The following EIPR1 variants were observed in gnomAD, a reference collection of about 807,000 sequenced individuals.
The protein encoded by EIPR1 is EARP complex and GARP complex interacting protein 1.
Under a neutral mutation model 48.1 loss-of-function variants are expected in EIPR1, and 25 were observed. The ratio of observed to expected loss-of-function variants is 0.52; its 90% CI spans 0.38 to 0.73. The LOEUF (loss-of-function observed/expected upper bound fraction) is 0.73, where lower values mean the gene tolerates loss of function less well. Among genes scored for constraint, EIPR1 ranks in the 30% least tolerant of loss-of-function variants. The pLI is 0.00. For missense variants in EIPR1, 415 were observed against 506.2 expected (o/e 0.82, Z 1.73); for synonymous variants, 204 against 201.9 (o/e 1.01, Z -0.09).
intron 3 of EIPR1, among the ~76,000 whole-genome samples, chr2:3,283,187 T>C (rs1668067865): frequency 6.6e-6 from 1 of 152,148 alleles, no homozygotes; most frequent in African/African-American, 2.4e-5. Flanking sequence ...CCCACTGCCA[T>C]CACAGTGATG....
At chr2:3,220,365 T>C (rs1475171202) in intron 4 of EIPR1, among the ~76,000 whole-genome samples, 1 of 150,096 alleles carries the variant, frequency 6.7e-6, no homozygotes, top group Non-Finnish European at 1.5e-5. Flanking sequence ...TTTTACAGCA[T>C]TTATAGAGTC....
chr2:3,294,127 T>C (rs574882097), intron 3 of EIPR1, among the ~76,000 whole-genome samples: 2 of 152,264 alleles, frequency 1.3e-5, no homozygotes, highest in African/African-American at 2.4e-5. Context: ...TCTTATTGTG[T>C]AGAAGTAATA....
chr2:3,268,819 G>A (rs370263890), intron 3 of EIPR1, among the ~76,000 whole-genome samples: 30 of 152,258 alleles, frequency 2.0e-4, no homozygotes, highest in African/African-American at 7.0e-4. Flanking sequence ...AGCAGGTGGG[G>A]GCATCTTCAC....
intron 3 of EIPR1, among the ~76,000 whole-genome samples, chr2:3,269,738 G>A (rs1479059328): frequency 7.2e-5 from 11 of 152,110 alleles, no homozygotes; most frequent in Non-Finnish European, 1.0e-4. Context: ...CTCAATCATC[G>A]CACTCAGTCA....
rs533734321 is a variant in EIPR1 at position 3,202,144 on chromosome 2, A to G, written c.517-5127T>C. ...AGTAGAGACGGGGTTTCACCATGTT[A>G]GCCAGGATGGTCTCGATCTTCTGAC... On this transcript the variant is annotated intron_variant, in intron 5 of 8. Transcript: ENST00000382125. Among the ~76,000 whole-genome samples, 6 of 152,098 alleles carry G rather than the reference A, an allele frequency of 3.9e-5. No homozygotes were observed. In the East Asian group the frequency reaches 7.7e-4, roughly 20 times the overall value.
intron 3 of EIPR1, among the ~76,000 whole-genome samples, chr2:3,304,555 T>C (rs865795642): frequency 0.064 from 389 of 6,068 alleles, 186 homozygotes; most frequent in East Asian, 0.087. Context: ...CAGTTCAACC[T>C]TCCACTCCCG....
rs190191286 is a variant in EIPR1 at position 3,280,898 on chromosome 2, G to A, written c.260-23443C>T. Among the ~76,000 whole-genome samples, 596 of 151,706 alleles carry A rather than the reference G, an allele frequency of 3.9e-3. 3 individuals carry two copies. Among genetic ancestry groups the A allele is most frequent in the Middle Eastern group, 0.01 (3 of 288 alleles). ...AGTGCCACCCGCGCCTCCTCCTGTG[G>A]TCATTTCCAGGAGCCGCCTGTGCAG... On this transcript the variant is annotated intron_variant, in intron 3 of 8. Transcript: ENST00000382125.
intron 3 of EIPR1, among the ~76,000 whole-genome samples, chr2:3,322,939 G>T (rs1488150207): frequency 1.3e-5 from 2 of 152,338 alleles, no homozygotes; most frequent in East Asian, 3.9e-4. Context: ...GGATGCCTTG[G>T]CGTACGTGCG....
At chr2:3,371,448 A>C (rs1192472794) in intron 1 of EIPR1, among the ~76,000 whole-genome samples, 1 of 152,228 alleles carries the variant, frequency 6.6e-6, no homozygotes, top group African/African-American at 2.4e-5. Context: ...AATTGGATAA[A>C]GAGTCAAGAC....
At chr2:3,257,923 G>T (rs1010253810) in intron 3 of EIPR1, among the ~76,000 whole-genome samples, 1 of 152,166 alleles carries the variant, frequency 6.6e-6, no homozygotes, top group East Asian at 1.9e-4. Context: ...ATCCTGTCAC[G>T]CATGTTATTC....
chr2:3,289,598 C>T (rs552132933), intron 3 of EIPR1, among the ~76,000 whole-genome samples: 2 of 152,292 alleles, frequency 1.3e-5, no homozygotes, highest in East Asian at 3.9e-4. Context: ...GTGATCCTGT[C>T]TCCCTATGTG....
At chr2:3,204,926 T>C (rs1665177061) in intron 5 of EIPR1, among the ~76,000 whole-genome samples, 1 of 151,840 alleles carries the variant, frequency 6.6e-6, no homozygotes, top group South Asian at 2.1e-4. Context: ...AGGACTGTGC[T>C]CCCAGCAGAC....
rs1311294524 is a variant in EIPR1 at position 3,282,715 on chromosome 2, C to T, written c.260-25260G>A. 3.3e-5 allele frequency: 5 copies of T among 152,434 alleles called. No individual in the cohort carries two copies. The East Asian group carries it at 5.8e-4, about 18-fold the overall frequency. The allele number at this position is 152,434 out of a possible 1,614,324, so 9.4% of individuals were successfully genotyped here. A position where few individuals can be genotyped will look rare whatever the true frequency, so the allele number is the denominator to read the frequency against. ...GAGTCTGCACCAGGCCGGCGCCTGTCGCGGTGCTGGCTGAACCTCGGCGCT... is the reference window on the plus strand; with the variant it reads ...GAGTCTGCACCAGGCCGGCGCCTGTTGCGGTGCTGGCTGAACCTCGGCGCT... On this transcript the variant is annotated intron_variant, in intron 3 of 8. Coordinates refer to ENST00000382125, the MANE Select transcript of EIPR1 (RefSeq NM_003310.5).
At chr2:3,299,035 GA>G (rs1348426629) in intron 3 of EIPR1, among the ~76,000 whole-genome samples, 1 of 152,148 alleles carries the variant, frequency 6.6e-6, no homozygotes, top group Admixed American at 6.5e-5. Flanking sequence ...ACAGATACAG[GA>G]AAGCCCCACC....
chr2:3,246,728 G>A (rs962425233), intron 4 of EIPR1, among the ~76,000 whole-genome samples: 2 of 150,188 alleles, frequency 1.3e-5, no homozygotes, highest in Admixed American at 6.7e-5. Flanking sequence ...CCCTGCCGGG[G>A]TGGTAGCCAT....
At chr2:3,346,207 G>A (rs750820960) in intron 2 of EIPR1, among the ~76,000 whole-genome samples, 10 of 152,250 alleles carry the variant, frequency 6.6e-5, no homozygotes, top group Non-Finnish European at 1.3e-4. Context: ...TTGACTCCTT[G>A]TGACTCTGGT....
chr2:3,267,679 A>G (rs1459206358), intron 3 of EIPR1, among the ~76,000 whole-genome samples: 1 of 152,274 alleles, frequency 6.6e-6, no homozygotes, highest in Non-Finnish European at 1.5e-5. Context: ...GTCCTGCTGC[A>G]GACCTACATC....
At chr2:3,267,618 C>T (rs973250979) in intron 3 of EIPR1, among the ~76,000 whole-genome samples, 5 of 152,234 alleles carry the variant, frequency 3.3e-5, no homozygotes, top group Admixed American at 6.5e-5. Flanking sequence ...ATTTGAAGGG[C>T]CACCAGAAGC....
chr2:3,299,603 TTCTCTC>T (rs141965173), intron 3 of EIPR1, among the ~76,000 whole-genome samples: 1 of 145,280 alleles, frequency 6.9e-6, no homozygotes, highest in Non-Finnish European at 1.5e-5. Context: ...GGAAAATATT[TTCTCTC>T]TCTCTCTCTC....
Sources: allele counts gnomAD v4.1 joint callset (sites outside exome capture counted in the v4.1 genomes callset), GRCh38; gene constraint gnomAD v4.1.1; transcripts MANE v1.5; gene names NCBI Gene and HGNC (gene_info 2026-07-23, HGNC 2026-07-21).